The following SGCZ variants were observed in gnomAD, a reference collection of about 807,000 sequenced individuals.
SGCZ encodes the protein zeta-sarcoglycan.
A neutral mutation model predicts 41.3 loss-of-function variants in SGCZ; 40 were observed. That is an observed-to-expected ratio of 0.97 (90% CI 0.75 to 1.26). SGCZ has a LOEUF of 1.26. Among genes scored for constraint, SGCZ ranks in the 50% most tolerant of loss-of-function variants. The pLI, the probability that SGCZ is intolerant of heterozygous loss-of-function variation, is 0.00. For synonymous variants in SGCZ, 206 were observed against 137.5 expected, an observed-to-expected ratio of 1.50 and a Z score of -3.49; for missense variants, 552 against 369.8, an observed-to-expected ratio of 1.49 and a Z score of -4.04.
chr8:14,969,072 A>G (rs190672916), intron 1 of SGCZ, among the ~76,000 whole-genome samples: 1 of 152,264 alleles, frequency 6.6e-6, no homozygotes, highest in East Asian at 1.9e-4. Context: ...AGAAATATGT[A>G]AAGCTATTGA....
Position 15,078,711 on chromosome 8 carries a change from GTATATATATACACAAA to G in SGCZ, c.39+158858_39+158873del, listed in dbSNP as rs1217511565. 4.0e-5 allele frequency among the ~76,000 whole-genome samples: 6 copies of G among 149,350 alleles called. 1 individual carries two copies. The South Asian group carries it at 6.4e-4, about 16-fold the overall frequency. ...TAAATATATGTGTGTGCATGTGTGT[GTATATATATACACAAA>G]TATATATATACACACATACATATAT... On this transcript the variant is annotated intron_variant, in intron 1 of 7. Transcript: ENST00000382080.
intron 1 of SGCZ, among the ~76,000 whole-genome samples, chr8:15,213,553 T>A (rs1201978623): frequency 6.6e-6 from 1 of 151,524 alleles, no homozygotes; most frequent in Non-Finnish European, 1.5e-5. Context: ...CTATGCATTA[T>A]CAGTCTACAA....
At chr8:14,138,434 G>A (rs947728947) in intron 5 of SGCZ, among the ~76,000 whole-genome samples, 4 of 151,604 alleles carry the variant, frequency 2.6e-5, no homozygotes, top group Non-Finnish European at 5.9e-5. Flanking sequence ...CTGTATTCAG[G>A]AGATCCATCT....
chr8:14,324,053 C>G (rs746340154), intron 3 of SGCZ, 50 bp downstream of exon 3: 1 of 1,322,412 alleles, frequency 7.6e-7, no homozygotes, highest in African/African-American at 1.5e-5. Context: ...CAAGCTAAAA[C>G]ATAACCTCTA....
intron 1 of SGCZ, among the ~76,000 whole-genome samples, chr8:15,186,923 C>T (rs949606138): frequency 2.0e-5 from 3 of 152,130 alleles, no homozygotes; most frequent in African/African-American, 4.8e-5. Flanking sequence ...CCTCTGAATG[C>T]GTTTTTATAT....
At chr8:14,424,713 C>A (rs1252052329) in intron 2 of SGCZ, among the ~76,000 whole-genome samples, 1 of 152,086 alleles carries the variant, frequency 6.6e-6, no homozygotes, top group Non-Finnish European at 1.5e-5. Context: ...TGAATCATGT[C>A]CAAATTTTTA....
chr8:15,217,641 G>C (rs1272602346), intron 1 of SGCZ, among the ~76,000 whole-genome samples: 1 of 152,068 alleles, frequency 6.6e-6, no homozygotes, highest in Non-Finnish European at 1.5e-5. Flanking sequence ...CCTTTTCTTT[G>C]TTTTCCTGAC....
intron 4 of SGCZ, among the ~76,000 whole-genome samples, chr8:14,194,797 C>T (rs892915308): frequency 1.3e-5 from 2 of 151,692 alleles, no homozygotes; most frequent in African/African-American, 2.4e-5. Context: ...TTTAAGAGAG[C>T]TGTGAATAGT....
At chr8:14,261,523 T>TA (rs1799666431) in intron 3 of SGCZ, among the ~76,000 whole-genome samples, 1 of 152,182 alleles carries the variant, frequency 6.6e-6, no homozygotes, top group Non-Finnish European at 1.5e-5. Context: ...TTGCTGAACA[T>TA]AATATTTTAT....
At chr8:14,908,167 A>G (rs1799174110) in intron 1 of SGCZ, among the ~76,000 whole-genome samples, 1 of 152,168 alleles carries the variant, frequency 6.6e-6, no homozygotes, top group Non-Finnish European at 1.5e-5. Flanking sequence ...GATGGGAATA[A>G]TTTGTGACAA....
chr8:14,733,870 T>C (rs1004944590), intron 1 of SGCZ, among the ~76,000 whole-genome samples: 9 of 152,188 alleles, frequency 5.9e-5, no homozygotes, highest in African/African-American at 1.7e-4. Flanking sequence ...CATTTGTTAA[T>C]CGTATACCCA....
chr8:15,099,313 G>T (rs1285725765), intron 1 of SGCZ, among the ~76,000 whole-genome samples: 2 of 152,024 alleles, frequency 1.3e-5, no homozygotes, highest in East Asian at 3.9e-4. Context: ...ATAAACAAGG[G>T]GCTGGGCCAT....
intron 2 of SGCZ, among the ~76,000 whole-genome samples, chr8:14,441,719 A>G (rs905306864): frequency 6.6e-6 from 1 of 152,188 alleles, no homozygotes; most frequent in African/African-American, 2.4e-5. Context: ...TAATACATCA[A>G]TGACTTGTGC....
intron 1 of SGCZ, among the ~76,000 whole-genome samples, chr8:15,111,753 A>C (rs373717828): frequency 6.6e-6 from 1 of 152,080 alleles, no homozygotes; most frequent in African/African-American, 2.4e-5. Context: ...TACAAAAATT[A>C]GCTGGGTGTG....
intron 1 of SGCZ, among the ~76,000 whole-genome samples, chr8:14,940,305 G>C (rs1411888616): frequency 1.3e-5 from 2 of 151,980 alleles, no homozygotes; most frequent in Admixed American, 6.6e-5. Flanking sequence ...TCAAATGTTT[G>C]CCATCCATCT....
intron 1 of SGCZ, among the ~76,000 whole-genome samples, chr8:15,131,230 C>T (rs1228248308): frequency 6.6e-6 from 1 of 152,142 alleles, no homozygotes; most frequent in East Asian, 1.9e-4. Context: ...GGGAAGGGCC[C>T]AGTGGGAGAT....
chr8:15,234,667 G>A (rs1036929466), intron 1 of SGCZ, among the ~76,000 whole-genome samples: 1 of 152,226 alleles, frequency 6.6e-6, no homozygotes, highest in Middle Eastern at 3.4e-3. Context: ...AACAATTAGA[G>A]CTTATCTTTA....
At chr8:14,445,151 G>A (rs778900638) in intron 2 of SGCZ, among the ~76,000 whole-genome samples, 1 of 152,194 alleles carries the variant, frequency 6.6e-6, no homozygotes, top group Non-Finnish European at 1.5e-5. Flanking sequence ...TATATTAATT[G>A]TGAGAGTGGC....
chr8:15,037,360 C>T (rs1473730099), intron 1 of SGCZ, among the ~76,000 whole-genome samples: 10 of 152,168 alleles, frequency 6.6e-5, no homozygotes, highest in Admixed American at 6.5e-4. Flanking sequence ...ATTTGCTTCC[C>T]CTTCAGCCAG....
Sources: allele counts gnomAD v4.1 joint callset (sites outside exome capture counted in the v4.1 genomes callset), GRCh38; gene constraint gnomAD v4.1.1; transcripts MANE v1.5; gene names NCBI Gene and HGNC (gene_info 2026-07-23, HGNC 2026-07-21).